The following PRICKLE2 variants were observed in gnomAD, a reference collection of about 807,000 sequenced individuals.
PRICKLE2 encodes the protein prickle planar cell polarity protein 2.
Under a neutral mutation model 81.4 loss-of-function variants are expected in PRICKLE2, and 21 were observed. That is an observed-to-expected ratio of 0.26 (90% CI 0.18 to 0.37). PRICKLE2 has a LOEUF of 0.37. Among genes scored for constraint, PRICKLE2 ranks in the 10% least tolerant of loss-of-function variants. The probability of loss-of-function intolerance (pLI) is 1.00; values close to 1 mark genes in which losing one functional copy is unlikely to be tolerated. For synonymous variants in PRICKLE2, 456 were observed against 421.5 expected (o/e 1.08, Z -1.00); for missense variants, 940 against 1,109.0 (o/e 0.85, Z 2.16).
chr3:64,225,365 CA>C lies in PRICKLE2; in HGVS notation c.-497del. 4 of 985,288 alleles carry C rather than the reference CA, an allele frequency of 4.1e-6. No homozygotes were observed. The highest frequency in any genetic ancestry group is 4.8e-6 in the Non-Finnish European group (4 of 829,948). The allele number at this position is 985,288 out of a possible 1,614,324, so 61.0% of individuals were successfully genotyped here. On this transcript the variant is annotated 5_prime_UTR_variant, in exon 1 of 8. Transcript: ENST00000638394. ...CCCGGGGTGACTAGTCAGCTGCTCA[CA>C]GAGCTCAAGCCACTGAACCAGGAAA... is the stretch of plus-strand genomic sequence containing the variant.
intron 2 of PRICKLE2, among the ~76,000 whole-genome samples, chr3:64,254,504 A>G (rs968262330): frequency 1.3e-5 from 2 of 152,312 alleles, no homozygotes; most frequent in East Asian, 3.9e-4. Context: ...TTGGAAGGTG[A>G]GCAAAAAGAC....
At chr3:64,149,544 G>C (rs2077510815) in intron 6 of PRICKLE2, among the ~76,000 whole-genome samples, 2 of 152,198 alleles carry the variant, frequency 1.3e-5, no homozygotes, top group South Asian at 4.1e-4. Context: ...CAGGACCCCT[G>C]CATTCTCCTG....
At chr3:64,267,839 A>C (rs1479757412) in intron 2 of PRICKLE2, 1 of 152,240 alleles carries the variant, frequency 6.6e-6, no homozygotes, top group Non-Finnish European at 1.5e-5. Flanking sequence ...TCCTGAAACC[A>C]GGAGCAAACA....
chr3:64,112,869 C>T (rs72874630), intron 7 of PRICKLE2, among the ~76,000 whole-genome samples: 3,413 of 152,226 alleles, frequency 0.022, 131 homozygotes, highest in African/African-American at 0.076. Flanking sequence ...GCTGACTAGA[C>T]GGAGACAAGT....
intron 1 of PRICKLE2, chr3:64,200,547 T>G (rs1442455862): frequency 1.3e-5 from 2 of 152,102 alleles, no homozygotes; most frequent in Admixed American, 6.5e-5. Flanking sequence ...CTTGACCTCC[T>G]GGGCTCAAGC....
Position 64,163,082 on chromosome 3 carries a change from G to C in PRICKLE2, c.192C>G (p.Val64=). The C allele has an allele frequency of 1.2e-6, 2 of 1,613,912 alleles. No individual in the cohort carries two copies. Among genetic ancestry groups the C allele is most frequent in the Admixed American group, 1.7e-5 (1 of 60,008 alleles). ...SCLPEEKVPY[V]NSPGEKLRIK... The stretch of plus-strand genomic sequence containing the variant: ...TTCGCAGTTTCTCTCCAGGACTGTT[G>C]ACATAAGGGACTTTCTCTTCTGGGA... The change falls in exon 3 of 8, where the codon GTC becomes GTG. Residue 64 remains valine, a synonymous_variant. Transcript: ENST00000638394.
chr3:64,210,994 T>C (rs1211380793), intron 1 of PRICKLE2, among the ~76,000 whole-genome samples: 2 of 152,162 alleles, frequency 1.3e-5, no homozygotes, highest in Non-Finnish European at 2.9e-5. Context: ...GTAGCAGCTT[T>C]GAGCAACCAG....
At chr3:64,265,238 A>G (rs1354551060) in intron 2 of PRICKLE2, among the ~76,000 whole-genome samples, 1 of 152,222 alleles carries the variant, frequency 6.6e-6, no homozygotes, top group East Asian at 1.9e-4. Context: ...ATTCCTCACC[A>G]TTCAGATTTT....
intron 6 of PRICKLE2, among the ~76,000 whole-genome samples, chr3:64,152,848 C>T (rs186573679): frequency 6.6e-6 from 1 of 152,284 alleles, no homozygotes; most frequent in East Asian, 1.9e-4. Flanking sequence ...CAGTTCCTCT[C>T]CTTTTGAGAA....
chr3:64,215,686 T>A (rs938962846), intron 1 of PRICKLE2, among the ~76,000 whole-genome samples: 3 of 152,192 alleles, frequency 2.0e-5, no homozygotes, highest in African/African-American at 7.2e-5. Flanking sequence ...TGACGAGTAG[T>A]GTTTGGCCAA....
At chr3:64,138,465 C>T (rs1205899141) in intron 7 of PRICKLE2, among the ~76,000 whole-genome samples, 1 of 152,236 alleles carries the variant, frequency 6.6e-6, no homozygotes, top group African/African-American at 2.4e-5. Context: ...TCTGCAGTGA[C>T]TGACAGCCCT....
chr3:64,115,478 G>T (rs1007548558), intron 7 of PRICKLE2, among the ~76,000 whole-genome samples: 1 of 152,022 alleles, frequency 6.6e-6, no homozygotes, highest in African/African-American at 2.4e-5. Flanking sequence ...GACACACACA[G>T]GCTCAAAATA....
intron 2 of PRICKLE2, among the ~76,000 whole-genome samples, chr3:64,164,132 G>T (rs115181289): frequency 2.8e-3 from 426 of 152,108 alleles, no homozygotes; most frequent in African/African-American, 9.7e-3. Context: ...CAGCACCTTG[G>T]GGGGCTGAGG....
At chr3:64,240,780 A>G (rs1399185074) in intron 2 of PRICKLE2, among the ~76,000 whole-genome samples, 1 of 152,206 alleles carries the variant, frequency 6.6e-6, no homozygotes, top group Non-Finnish European at 1.5e-5. Context: ...AACTCTGAGC[A>G]TGGAGTCTGG....
At chr3:64,116,618 C>A (rs1164271690) in intron 7 of PRICKLE2, among the ~76,000 whole-genome samples, 4 of 152,106 alleles carry the variant, frequency 2.6e-5, no homozygotes, top group Non-Finnish European at 5.9e-5. Flanking sequence ...AATGTCTGGA[C>A]ACATACACCC....
At chr3:64,257,499 G>T (rs1178923817) in intron 2 of PRICKLE2, among the ~76,000 whole-genome samples, 1 of 152,220 alleles carries the variant, frequency 6.6e-6, no homozygotes, top group African/African-American at 2.4e-5. Flanking sequence ...TTTGGCAATG[G>T]CAGTGGGGGT....
intron 7 of PRICKLE2, among the ~76,000 whole-genome samples, chr3:64,121,817 C>T (rs772650763): frequency 2.0e-5 from 3 of 152,102 alleles, no homozygotes; most frequent in Admixed American, 6.5e-5. Flanking sequence ...TTGCTATAAA[C>T]GGTGCTTTCC....
chr3:64,249,878 T>C (rs980791519), intron 2 of PRICKLE2, among the ~76,000 whole-genome samples: 41 of 152,366 alleles, frequency 2.7e-4, no homozygotes, highest in African/African-American at 8.9e-4. Context: ...CTAGAGAGCA[T>C]GCATTGTGTA....
At chr3:64,223,258 T>C (rs1050989879) in intron 1 of PRICKLE2, among the ~76,000 whole-genome samples, 1 of 152,230 alleles carries the variant, frequency 6.6e-6, no homozygotes, top group Non-Finnish European at 1.5e-5. Context: ...ACTATGTGGC[T>C]GCCACTGTGC....
Sources: gnomAD v4.1 joint callset for allele counts (sites outside exome capture counted in the v4.1 genomes callset) on GRCh38, gnomAD v4.1.1 for gene constraint, MANE v1.5 for transcripts, NCBI Gene and HGNC (gene_info 2026-07-23, HGNC 2026-07-21) for gene names.